Variants in ITPR2 observed in about 807,000 individuals in gnomAD.
ITPR2 encodes inositol 1,4,5-trisphosphate-gated calcium channel ITPR2.
ITPR2 carries 207 observed loss-of-function variants against 317.1 expected under a neutral mutation model. The ratio of observed to expected loss-of-function variants is 0.65; its 90% CI spans 0.58 to 0.73. The LOEUF (loss-of-function observed/expected upper bound fraction) is 0.73, where lower values mean the gene tolerates loss of function less well. ITPR2 is among the 30% of genes least tolerant of loss of function. The pLI is 0.00. For synonymous variants in ITPR2, 1,156 were observed against 1,149.1 expected (o/e 1.01, Z -0.12); for missense variants, 2,613 against 3,284.0 (o/e 0.80, Z 4.99).
At chr12:26,518,025 T>A (rs572571865) in intron 37 of ITPR2, among the ~76,000 whole-genome samples, 198 of 152,320 alleles carry the variant, frequency 1.3e-3, no homozygotes, top group Middle Eastern at 3.4e-3. Context: ...ACTGGGTATA[T>A]GCCCAAAGGA....
intron 55 of ITPR2, among the ~76,000 whole-genome samples, chr12:26,356,439 G>A (rs191236716): frequency 2.0e-5 from 3 of 152,262 alleles, no homozygotes; most frequent in Admixed American, 6.5e-5. Context: ...GAAAGAATAC[G>A]GTATGCTCTA....
chr12:26,510,080 T>C (rs1027617892), intron 37 of ITPR2, among the ~76,000 whole-genome samples: 4 of 151,524 alleles, frequency 2.6e-5, no homozygotes, highest in East Asian at 1.9e-4. Context: ...GTAATTCATA[T>C]GGGAGGAAGA....
Position 26,659,079 on chromosome 12 carries a change from A to G in ITPR2, c.1886+34T>C, listed in dbSNP as rs367810542. On this transcript the variant is annotated intron_variant, in intron 16 of 56. Transcript: ENST00000381340. ...AATAAAACATAAAGCCGCAATCTCCACTAGAAAAGAATACCGCATGAATCA... is the reference window on the plus strand; with the variant it reads ...AATAAAACATAAAGCCGCAATCTCCGCTAGAAAAGAATACCGCATGAATCA... The G allele has an allele frequency of 5.8e-6, 9 of 1,547,314 alleles. No homozygotes were observed. The African/African-American group carries it at 1.2e-4, about 21-fold the overall frequency.
At chr12:26,679,490 G>C (rs575197748) in intron 13 of ITPR2, among the ~76,000 whole-genome samples, 90 of 152,164 alleles carry the variant, frequency 5.9e-4, no homozygotes, top group African/African-American at 2.1e-3. Context: ...CAAACCTTCA[G>C]GGAGCATAAT....
intron 23 of ITPR2, among the ~76,000 whole-genome samples, chr12:26,626,096 G>A (rs989911460): frequency 6.6e-6 from 1 of 152,110 alleles, no homozygotes; most frequent in Non-Finnish European, 1.5e-5. Context: ...TGAGTAGCTG[G>A]GACCAAAGGC....
At chr12:26,531,683 AAG>A (rs1491020560) in intron 37 of ITPR2, among the ~76,000 whole-genome samples, 2 of 136,200 alleles carry the variant, frequency 1.5e-5, no homozygotes, top group Non-Finnish European at 3.1e-5. Context: ...ACACACACAC[AAG>A]TGTGTATCTG....
chr12:26,521,504 G>A (rs1417263786), intron 37 of ITPR2, among the ~76,000 whole-genome samples: 2 of 152,088 alleles, frequency 1.3e-5, no homozygotes, highest in African/African-American at 4.8e-5. Context: ...ATGCAGTCAG[G>A]GGCCCCTCGA....
chr12:26,407,923 A>G (rs1940407950), intron 52 of ITPR2, among the ~76,000 whole-genome samples: 1 of 152,182 alleles, frequency 6.6e-6, no homozygotes, highest in African/African-American at 2.4e-5. Context: ...GTCCTTGAAC[A>G]TGTCTCAGGG....
intron 9 of ITPR2, among the ~76,000 whole-genome samples, chr12:26,705,694 G>A (rs977276643): frequency 6.6e-6 from 1 of 151,908 alleles, no homozygotes; most frequent in Non-Finnish European, 1.5e-5. Flanking sequence ...CCCTAATTTG[G>A]TGAATGACAT....
chr12:26,434,927 AAC>A (rs941535391), intron 48 of ITPR2, among the ~76,000 whole-genome samples: 1 of 152,194 alleles, frequency 6.6e-6, no homozygotes. Flanking sequence ...AAGGAGACCA[AAC>A]ACAATGAAGA....
chr12:26,814,176 A>G (rs531583440), intron 1 of ITPR2, among the ~76,000 whole-genome samples: 4 of 152,352 alleles, frequency 2.6e-5, no homozygotes, highest in Admixed American at 2.6e-4. Flanking sequence ...GATAGCAGCC[A>G]TGCCATAAAC....
chr12:26,556,126 G>T, intron 36 of ITPR2, 107 bp downstream of exon 36: 3 of 996,954 alleles, frequency 3.0e-6, no homozygotes, highest in Non-Finnish European at 2.8e-6. Context: ...TAGACCTTTC[G>T]CATACTTTGC....
At position 26,711,277 on chromosome 12, in the gene ITPR2, AGAGCAAC is replaced by A; in HGVS notation, c.856-16_856-10del. The A allele has an allele frequency of 6.3e-7, 1 of 1,592,990 alleles. No individual in the cohort carries two copies. The highest frequency in any genetic ancestry group is 8.6e-7 in the Non-Finnish European group (1 of 1,160,808). The stretch of plus-strand genomic sequence containing the variant: ...GGGTCATGATGAACCACCTACAAAG[AGAGCAAC>A]GATAGTAATGGCAAAACAATATTTA... On this transcript the variant is annotated splice_polypyrimidine_tract_variant and intron_variant, in intron 8 of 56. Coordinates refer to ENST00000381340, the MANE Select transcript of ITPR2 (RefSeq NM_002223.4).
At chr12:26,356,605 A>T (rs757455925) in intron 55 of ITPR2, among the ~76,000 whole-genome samples, 11 of 152,228 alleles carry the variant, frequency 7.2e-5, no homozygotes, top group Admixed American at 5.9e-4. Flanking sequence ...ACAACTGTTG[A>T]TCATGCAGTA....
intron 37 of ITPR2, among the ~76,000 whole-genome samples, chr12:26,542,003 T>C (rs961575003): frequency 6.6e-6 from 1 of 152,226 alleles, no homozygotes; most frequent in Non-Finnish European, 1.5e-5. Context: ...GCTACCACTA[T>C]TCAATGTCTA....
chr12:26,340,497 C>T (rs146916763), intron 55 of ITPR2, among the ~76,000 whole-genome samples, 169 bp from the exon 56 acceptor site: 10 of 152,282 alleles, frequency 6.6e-5, no homozygotes, highest in African/African-American at 2.4e-4. Flanking sequence ...CTGGTCTTCA[C>T]GGGCTGGGGG....
intron 55 of ITPR2, among the ~76,000 whole-genome samples, chr12:26,383,668 T>TTC: frequency 6.9e-6 from 1 of 144,146 alleles, no homozygotes; most frequent in African/African-American, 2.5e-5. Context: ...TTTTTTTTTT[T>TTC]GGTATTTTTA....
intron 2 of ITPR2, among the ~76,000 whole-genome samples, chr12:26,728,385 T>C (rs1388207266): frequency 6.6e-6 from 1 of 152,172 alleles, no homozygotes; most frequent in African/African-American, 2.4e-5. Context: ...GTACAAAGTC[T>C]TGGGTTTCAA....
intron 55 of ITPR2, among the ~76,000 whole-genome samples, chr12:26,344,625 T>C (rs1356130250): frequency 6.7e-6 from 1 of 148,284 alleles, no homozygotes; most frequent in East Asian, 2.0e-4. Context: ...CTGGTGCCAT[T>C]TGAGCCACAG....
Sources: allele counts gnomAD v4.1 joint callset (sites outside exome capture counted in the v4.1 genomes callset), GRCh38; gene constraint gnomAD v4.1.1; transcripts MANE v1.5; gene names NCBI Gene and HGNC (gene_info 2026-07-23, HGNC 2026-07-21).